DNAH3: variants seen among roughly 807,000 people sequenced by gnomAD.
DNAH3 encodes dynein axonemal heavy chain 3.
Under a neutral mutation model 432.5 loss-of-function variants are expected in DNAH3, and 332 were observed. That is an observed-to-expected ratio of 0.77 (90% CI 0.70 to 0.84). The LOEUF is 0.84. Ranked by LOEUF, DNAH3 falls within the 40% of genes least tolerant of loss-of-function variation. The probability of loss-of-function intolerance (pLI) is 0.00; values close to 1 mark genes in which losing one functional copy is unlikely to be tolerated. For synonymous variants in DNAH3, 1,956 were observed against 1,900.2 expected (o/e 1.03, Z -0.76); for missense variants, 4,861 against 5,114.0 (o/e 0.95, Z 1.51).
At chr16:21,094,206 T>C (rs2091614821) in intron 18 of DNAH3, among the ~76,000 whole-genome samples, 1 of 151,856 alleles carries the variant, frequency 6.6e-6, no homozygotes, top group East Asian at 1.9e-4. Context: ...CAGTAAGAAA[T>C]CAAACAACCA....
At chr16:21,003,156 G>A (rs566677735) in exon 42 of DNAH3, 8 of 1,612,672 alleles carry the variant, frequency 5.0e-6, no homozygotes, top group Admixed American at 3.4e-5. Flanking sequence ...CTGTGTCCAC[G>A]TTTCCCAATG....
At chr16:21,068,377 C>T (rs1000211670) in intron 23 of DNAH3, among the ~76,000 whole-genome samples, 12 of 150,902 alleles carry the variant, frequency 8.0e-5, no homozygotes, top group Non-Finnish European at 1.5e-4. Context: ...TGCAGTGGCG[C>T]AATCTGGGCT....
chr16:21,023,447 A>G (rs998504432), intron 39 of DNAH3, among the ~76,000 whole-genome samples: 1 of 152,202 alleles, frequency 6.6e-6, no homozygotes, highest in Non-Finnish European at 1.5e-5. Context: ...GGGTTTAAAT[A>G]GGGTAAAGAA....
At chr16:21,101,178 T>C (rs189822638) in intron 16 of DNAH3, among the ~76,000 whole-genome samples, 63 of 152,304 alleles carry the variant, frequency 4.1e-4, no homozygotes, top group African/African-American at 1.5e-3. Flanking sequence ...AGTCCACAGT[T>C]ATCATCTAAG....
At chr16:21,037,827 C>A in exon 34 of DNAH3, 1 of 1,614,220 alleles carries the variant, frequency 6.2e-7, no homozygotes. Flanking sequence ...CCCGGAGCAG[C>A]AGGACACTTT....
intron 7 of DNAH3, among the ~76,000 whole-genome samples, chr16:21,132,559 A>AC (rs2092581285): frequency 6.6e-6 from 1 of 152,236 alleles, no homozygotes; most frequent in African/African-American, 2.4e-5. Context: ...ATGCCGCCAT[A>AC]AAAAGGAAGC....
intron 18 of DNAH3, among the ~76,000 whole-genome samples, chr16:21,092,226 T>C (rs2091555414): frequency 6.6e-6 from 1 of 152,150 alleles, no homozygotes; most frequent in Non-Finnish European, 1.5e-5. Context: ...ACTATAAAAC[T>C]ATTGTAATCA....
At chr16:21,032,116 C>T (rs1373760801) in intron 36 of DNAH3, among the ~76,000 whole-genome samples, 1 of 151,936 alleles carries the variant, frequency 6.6e-6, no homozygotes, top group African/African-American at 2.4e-5. Flanking sequence ...CGCCTATTAT[C>T]AGCCCTCTAT....
intron 3 of DNAH3, among the ~76,000 whole-genome samples, chr16:21,143,741 T>C (rs933663288): frequency 2.0e-5 from 3 of 152,080 alleles, no homozygotes; most frequent in Admixed American, 2.0e-4. Flanking sequence ...CAAATAACAC[T>C]GGTAAGAACC....
chr16:21,127,592 G>A, intron 8 of DNAH3, 95 bp downstream of exon 9: 2 of 1,461,146 alleles, frequency 1.4e-6, no homozygotes, highest in Non-Finnish European at 1.8e-6. Context: ...GGATGCCAGT[G>A]GGACAAACCC....
At position 21,145,973 on chromosome 16, in the gene DNAH3, G is replaced by A. The variant is rs1301837494; in HGVS notation, c.222+11C>T. The A allele has an allele frequency of 1.3e-6, 2 of 1,566,554 alleles. No individual in the cohort carries two copies. Among genetic ancestry groups the A allele is most frequent in the South Asian group, 2.2e-5 (2 of 90,110 alleles). On this transcript the variant is annotated intron_variant, in intron 2 of 61. Coordinates refer to ENST00000261383, the Ensembl canonical transcript of DNAH3. ...CCCTCAACAGAAGAGCTGGCAGCCA[G>A]GTGTGCATACCTGATAGAGTCCAGA...
intron 44 of DNAH3, among the ~76,000 whole-genome samples, chr16:20,996,601 G>A (rs897295709): frequency 6.6e-6 from 1 of 152,116 alleles, no homozygotes; most frequent in Non-Finnish European, 1.5e-5. Context: ...CTGGACTACA[G>A]GCACAAGCCA....
chr16:20,980,948 G>A (rs2085869104), intron 49 of DNAH3, among the ~76,000 whole-genome samples: 2 of 152,212 alleles, frequency 1.3e-5, no homozygotes, highest in East Asian at 3.9e-4. Flanking sequence ...AGCCACAGAT[G>A]GTGTGTAAAC....
intron 27 of DNAH3, among the ~76,000 whole-genome samples, chr16:21,054,782 G>C (rs774922391): frequency 6.6e-6 from 1 of 152,132 alleles, no homozygotes; most frequent in African/African-American, 2.4e-5. Flanking sequence ...TGTGGAAAAG[G>C]CAAAATTATA....
At chr16:21,145,930 A>C in intron 2 of DNAH3, 54 bp downstream of exon 3, 2 of 1,095,326 alleles carry the variant, frequency 1.8e-6, no homozygotes, top group Non-Finnish European at 2.8e-6. Flanking sequence ...GAAGTGGGGG[A>C]TGCACTTCAC....
At chr16:20,958,744 T>C (rs528698308) in intron 54 of DNAH3, among the ~76,000 whole-genome samples, 51 of 152,244 alleles carry the variant, frequency 3.3e-4, no homozygotes, top group African/African-American at 1.2e-3. Flanking sequence ...TATTCATCTA[T>C]GGCCTGCCTT....
Position 21,085,249 on chromosome 16 carries a change from T to C in DNAH3, c.2877+1600A>G, listed in dbSNP as rs115669499. Among the ~76,000 whole-genome samples, 843 of 151,358 alleles carry C rather than the reference T, an allele frequency of 5.6e-3. 6 individuals are homozygous for C. The highest frequency in any genetic ancestry group is 0.02 in the African/African-American group (813 of 41,244). On this transcript the variant is annotated intron_variant, in intron 19 of 61. Transcript: ENST00000261383. ...AAAATCAATTAATTAAAATTACAAT[T>C]AAAAAATATCCCAGCCAGGCACGGT...
At chr16:20,941,371 C>T in intron 59 of DNAH3, 30 bp downstream of exon 59, 1 of 1,612,762 alleles carries the variant, frequency 6.2e-7, no homozygotes. Context: ...GTTCCAACTC[C>T]CAGGATTCAA....
At chr16:20,994,399 C>T (rs1471325757) in intron 44 of DNAH3, among the ~76,000 whole-genome samples, 12 of 152,064 alleles carry the variant, frequency 7.9e-5, no homozygotes, top group African/African-American at 2.7e-4. Context: ...CCATTGCACT[C>T]CAGCCTGGGC....
Sources: gnomAD v4.1 joint callset for allele counts (sites outside exome capture counted in the v4.1 genomes callset) on GRCh38, gnomAD v4.1.1 for gene constraint, MANE v1.5 for transcripts, NCBI Gene and HGNC (gene_info 2026-07-23, HGNC 2026-07-21) for gene names.